SFSWAP: variants seen among roughly 807,000 people sequenced by gnomAD.
SFSWAP encodes the protein splicing factor SWAP, also known as splicing factor, suppressor of white-apricot homolog.
SFSWAP carries 17 observed loss-of-function variants against 100.7 expected under a neutral mutation model. The observed-to-expected ratio is 0.17, with a 90% CI of 0.12 to 0.25. The LOEUF (loss-of-function observed/expected upper bound fraction) is 0.25. SFSWAP is among the 10% of genes least tolerant of loss of function. The pLI is 1.00. For missense variants in SFSWAP, 1,005 were observed against 1,262.6 expected (o/e 0.80, Z 3.09); for synonymous variants, 504 against 510.1 (o/e 0.99, Z 0.16).
chr12:131,733,560 G>T lies in SFSWAP; in HGVS notation c.1081+5132G>T, dbSNP rs369027500. On this transcript the variant is annotated intron_variant, in intron 7 of 17. Coordinates refer to ENST00000261674, the MANE Select transcript of SFSWAP (RefSeq NM_004592.4). The surrounding 1 kb of genome is among the most constrained non-coding windows in gnomAD (Gnocchi z 5.1). ...AGTGGAGCCAAGGCTGGAGGTGGGC[G>T]CAGCTCCATGTTCTCGGGGGATTTC... Among the ~76,000 whole-genome samples, 1 of 152,010 alleles carries T rather than the reference G, an allele frequency of 6.6e-6. No homozygotes were observed. The highest frequency in any genetic ancestry group is 1.5e-5 in the Non-Finnish European group (1 of 67,992).
intron 13 of SFSWAP, among the ~76,000 whole-genome samples, chr12:131,767,875 C>G (rs1051143363): frequency 2.6e-5 from 4 of 152,100 alleles, no homozygotes; most frequent in Admixed American, 6.6e-5. Context: ...TCAAAAACCT[C>G]CCTGTTAGCT....
chr12:131,786,311 C>T lies in SFSWAP; in HGVS notation c.2409-152C>T, dbSNP rs971216555. 6 of 841,946 alleles carry T rather than the reference C, an allele frequency of 7.1e-6. No individual in the cohort carries two copies. In the African/African-American group the frequency reaches 8.7e-5, roughly 12 times the overall value. 52.2% of individuals were successfully genotyped at this position (841,946 alleles called of 1,614,324 possible). On this transcript the variant is annotated intron_variant, in intron 14 of 17. Coordinates refer to ENST00000261674, the MANE Select transcript of SFSWAP (RefSeq NM_004592.4). ...TTGTCGGTAAAGTAGTGAAGTGTGGCAGGGGTTCTCTGAAGCCTCAGGGTC... is the reference window on the plus strand; with the variant it reads ...TTGTCGGTAAAGTAGTGAAGTGTGGTAGGGGTTCTCTGAAGCCTCAGGGTC...
In SFSWAP at chr12:131,778,890, C is replaced by T. The variant is rs1566051141; in HGVS notation, c.2408+560C>T. On this transcript the variant is annotated intron_variant, in intron 14 of 17. Coordinates refer to ENST00000261674, the MANE Select transcript of SFSWAP (RefSeq NM_004592.4). This position sits in a 1 kb window ranked among gnomAD's most constrained non-coding sequence, Gnocchi z 4.2. ...TTGGTTTGTTTAAATTCTAATGGTT[C>T]CTGGAAGCAAGCCTACCACATTTGC... Among the ~76,000 whole-genome samples the T allele has an allele frequency of 6.6e-6, 1 of 151,928 alleles. No individual in the cohort carries two copies. Among genetic ancestry groups the T allele is most frequent in the Non-Finnish European group, 1.5e-5 (1 of 67,994 alleles).
chr12:131,788,912 T>A (rs1375633999), intron 15 of SFSWAP, among the ~76,000 whole-genome samples: 1 of 152,238 alleles, frequency 6.6e-6, no homozygotes, highest in African/African-American at 2.4e-5. Flanking sequence ...GTCACTTTAA[T>A]GCTGTGACAG....
chr12:131,755,317 A>G, intron 9 of SFSWAP, 69 bp from the exon 10 acceptor site: 1 of 1,060,840 alleles, frequency 9.4e-7, no homozygotes, highest in South Asian at 1.3e-5. Context: ...AGCTAGGAGA[A>G]CAGGGCCTGT....
chr12:131,787,479 C>T (rs1351725950), intron 15 of SFSWAP, among the ~76,000 whole-genome samples: 2 of 152,196 alleles, frequency 1.3e-5, no homozygotes, highest in African/African-American at 4.8e-5. Flanking sequence ...GCACAAGGAG[C>T]TTGTTTTGTG....
At chr12:131,770,501 T>G (rs1883501981) in intron 13 of SFSWAP, among the ~76,000 whole-genome samples, 2 of 152,252 alleles carry the variant, frequency 1.3e-5, no homozygotes. Context: ...CTTATGTGCC[T>G]GAAGGACAGT....
chr12:131,774,051 G>A (rs1162467330), intron 13 of SFSWAP, among the ~76,000 whole-genome samples: 1 of 152,152 alleles, frequency 6.6e-6, no homozygotes, highest in Non-Finnish European at 1.5e-5. Flanking sequence ...GGAGAGCCTG[G>A]GACGCCAGAA....
chr12:131,729,333 A>G (rs550257636), intron 7 of SFSWAP, among the ~76,000 whole-genome samples: 3 of 152,058 alleles, frequency 2.0e-5, no homozygotes, highest in African/African-American at 7.2e-5. Context: ...CTAAAACCGC[A>G]TCTTGACAAA....
Position 131,714,977 on chromosome 12 carries a change from G to A in SFSWAP, c.520+24G>A. ...AGGTGAGTGGGGAGCTGCCTGGACT[G>A]CTGGTGTAGGGCTACACGTGTACGC... On this transcript the variant is annotated intron_variant, in intron 3 of 17. Transcript: ENST00000261674. The surrounding 1 kb of genome is among the most constrained non-coding windows in gnomAD (Gnocchi z 6.0). The A allele has an allele frequency of 6.2e-7, 1 of 1,613,086 alleles. No homozygotes were observed. The highest frequency in any genetic ancestry group is 8.5e-7 in the Non-Finnish European group (1 of 1,179,770).
intron 7 of SFSWAP, among the ~76,000 whole-genome samples, chr12:131,735,633 T>C (rs1879935759): frequency 6.6e-6 from 1 of 152,260 alleles, no homozygotes; most frequent in South Asian, 2.1e-4. Context: ...GAACACATGC[T>C]GGGCCCCAGC....
chr12:131,746,921 G>C (rs185214417), intron 7 of SFSWAP, among the ~76,000 whole-genome samples: 3 of 152,028 alleles, frequency 2.0e-5, no homozygotes, highest in Admixed American at 1.3e-4. Flanking sequence ...TGGCTAACAC[G>C]GTGAAACCCG....
rs1359936317 is a variant in SFSWAP, at chr12:131,759,592, G to A, written c.1720+2948G>A. Among the ~76,000 whole-genome samples the A allele has an allele frequency of 2.6e-5, 4 of 152,212 alleles. No homozygotes were observed. In the South Asian group the frequency reaches 6.2e-4, roughly 24 times the overall value. On this transcript the variant is annotated intron_variant, in intron 11 of 17. Coordinates refer to ENST00000261674, the MANE Select transcript of SFSWAP (RefSeq NM_004592.4). Reference sequence around the variant, plus strand: ...AGGCGGGTGGATCACGAGGTCAGGAGATCGAGACCATCCTGGCTAACACGG... The same window carrying A: ...AGGCGGGTGGATCACGAGGTCAGGAAATCGAGACCATCCTGGCTAACACGG...
At chr12:131,791,735 C>T (rs1404045797) in intron 15 of SFSWAP, among the ~76,000 whole-genome samples, 2 of 152,156 alleles carry the variant, frequency 1.3e-5, no homozygotes, top group African/African-American at 2.4e-5. Context: ...GTGCAAGACT[C>T]CGTCTCAAAA....
chr12:131,764,052 G>C (rs1408873863), intron 11 of SFSWAP, among the ~76,000 whole-genome samples: 1 of 152,158 alleles, frequency 6.6e-6, no homozygotes, highest in Middle Eastern at 3.2e-3. Flanking sequence ...CTTGAACCTA[G>C]GAGGCAGAGG....
At chr12:131,756,755 G>A (rs1029409882) in intron 11 of SFSWAP, 111 bp downstream of exon 11, 14 of 959,192 alleles carry the variant, frequency 1.5e-5, no homozygotes, top group Non-Finnish European at 2.1e-5. Context: ...GGGTGGGGTT[G>A]GCGGCCCCCT....
At chr12:131,719,684 T>G in intron 4 of SFSWAP, 145 bp downstream of exon 4, 1 of 657,868 alleles carries the variant, frequency 1.5e-6, no homozygotes, top group Middle Eastern at 2.8e-4. Flanking sequence ...GAGAAAAAGA[T>G]CACACCCTAT....
chr12:131,781,708 G>A (rs1884521228), intron 14 of SFSWAP, among the ~76,000 whole-genome samples: 1 of 152,118 alleles, frequency 6.6e-6, no homozygotes, highest in Non-Finnish European at 1.5e-5. Flanking sequence ...ACACTTTACA[G>A]CGTCAGCAGA....
Position 131,799,041 on chromosome 12 carries a change from GTC to G in SFSWAP, c.2727_2728del (p.Gln910GlyfsTer81). 6.2e-7 allele frequency: 1 copy of G among 1,612,844 alleles called. No homozygotes were observed. Among genetic ancestry groups the G allele is most frequent in the Non-Finnish European group, 8.5e-7 (1 of 1,178,780 alleles). On this transcript the variant is annotated frameshift_variant, in exon 17 of 18. Coordinates refer to ENST00000261674, the MANE Select transcript of SFSWAP (RefSeq NM_004592.4). ...RGSSQERSRGVSQEKEAQISS... is the reference protein window; with the variant it reads ...RGSSQERSRGXSQEKEAQISS... ...CTCTCTCTCTCTCTGCATTAGGGGA[GTC>G]TCTCAGGAAAAAGAAGCCCAGATCT...
Sources: allele counts gnomAD v4.1 joint callset (sites outside exome capture counted in the v4.1 genomes callset), GRCh38; gene constraint gnomAD v4.1.1; non-coding constraint Gnocchi (gnomAD v3.1); transcripts MANE v1.5; gene names NCBI Gene and HGNC (gene_info 2026-07-23, HGNC 2026-07-21).